DCC: variants seen among roughly 807,000 people sequenced by gnomAD.
DCC encodes the protein netrin receptor DCC.
DCC carries 58 observed loss-of-function variants against 172.5 expected under a neutral mutation model. The ratio of observed to expected loss-of-function variants is 0.34; its 90% CI spans 0.27 to 0.42. The LOEUF (loss-of-function observed/expected upper bound fraction) is 0.42, where lower values mean the gene tolerates loss of function less well. Among genes scored for constraint, DCC ranks in the 10% least tolerant of loss-of-function variants. The pLI is 1.00. For synonymous variants in DCC, 709 were observed against 644.5 expected (o/e 1.10, Z -1.52); for missense variants, 1,740 against 1,791.0 (o/e 0.97, Z 0.51).
At chr18:52,695,104 A>C (rs1939344928) in intron 1 of DCC, among the ~76,000 whole-genome samples, 2 of 152,102 alleles carry the variant, frequency 1.3e-5, no homozygotes, top group Admixed American at 1.3e-4. Context: ...AAAGGAATGA[A>C]TTTCGTAGGT....
At chr18:53,218,271 A>C (rs2055882961) in intron 12 of DCC, among the ~76,000 whole-genome samples, 2 of 152,116 alleles carry the variant, frequency 1.3e-5, no homozygotes, top group African/African-American at 4.8e-5. Context: ...ATTGATAGTA[A>C]ATGAAATAAC....
intron 15 of DCC, among the ~76,000 whole-genome samples, chr18:53,340,169 G>A (rs1354068493): frequency 6.6e-6 from 1 of 152,074 alleles, no homozygotes; most frequent in Non-Finnish European, 1.5e-5. Flanking sequence ...TTGCTCTGGT[G>A]TGTGCCCTTG....
intron 1 of DCC, among the ~76,000 whole-genome samples, chr18:52,510,139 T>C (rs1414772469): frequency 2.7e-5 from 4 of 150,388 alleles, no homozygotes; most frequent in Non-Finnish European, 5.9e-5. Flanking sequence ...AAAAAAAGTC[T>C]AGTTAGCATG....
intron 5 of DCC, among the ~76,000 whole-genome samples, chr18:53,022,571 A>T (rs920653186): frequency 2.8e-5 from 4 of 144,656 alleles, no homozygotes; most frequent in Non-Finnish European, 4.5e-5. Context: ...GTGTGTGTGT[A>T]TCACTAACGG....
chr18:52,798,900 A>G (rs759119649), intron 2 of DCC, among the ~76,000 whole-genome samples: 3 of 151,944 alleles, frequency 2.0e-5, no homozygotes, highest in Non-Finnish European at 4.4e-5. Flanking sequence ...GGTGCCTGCC[A>G]CCACGCCCAG....
chr18:52,624,452 G>A (rs2083004110), intron 1 of DCC, among the ~76,000 whole-genome samples: 1 of 152,066 alleles, frequency 6.6e-6, no homozygotes, highest in African/African-American at 2.4e-5. Context: ...GTATCAGCTG[G>A]GAGTTTATTT....
At chr18:52,560,769 G>A (rs1598913962) in intron 1 of DCC, among the ~76,000 whole-genome samples, 2 of 152,198 alleles carry the variant, frequency 1.3e-5, no homozygotes. Flanking sequence ...TTGTATATGT[G>A]TCTTTTATTT....
intron 12 of DCC, among the ~76,000 whole-genome samples, chr18:53,286,724 A>G (rs776649579): frequency 3.9e-5 from 6 of 152,150 alleles, no homozygotes; most frequent in Non-Finnish European, 5.9e-5. Context: ...TGTGAGTACC[A>G]CGCTTACAGG....
intron 1 of DCC, among the ~76,000 whole-genome samples, chr18:52,362,480 T>G (rs1984660992): frequency 6.6e-6 from 1 of 152,330 alleles, no homozygotes; most frequent in African/African-American, 2.4e-5. Flanking sequence ...CTGTCCAATT[T>G]GCATCAAGTA....
At chr18:53,023,423 A>AG (rs2041912570) in intron 5 of DCC, among the ~76,000 whole-genome samples, 2 of 90,610 alleles carry the variant, frequency 2.2e-5, no homozygotes, top group Admixed American at 2.1e-4. Context: ...AAAAAAAAAA[A>AG]AAAAAAGATT....
intron 26 of DCC, among the ~76,000 whole-genome samples, chr18:53,488,255 G>A (rs2045923988): frequency 6.6e-6 from 1 of 152,122 alleles, no homozygotes; most frequent in Non-Finnish European, 1.5e-5. Flanking sequence ...CATGCCTATA[G>A]TCCCAGCTAT....
intron 18 of DCC, among the ~76,000 whole-genome samples, chr18:53,402,397 A>ATAAAT (rs5825017): frequency 1.5e-4 from 19 of 127,944 alleles, no homozygotes; most frequent in East Asian, 1.4e-3. Flanking sequence ...CTCAAAAAAA[A>ATAAAT]AAAAAAATAA....
intron 27 of DCC, among the ~76,000 whole-genome samples, chr18:53,508,655 A>G (rs1338408591): frequency 6.6e-6 from 1 of 152,186 alleles, no homozygotes; most frequent in Non-Finnish European, 1.5e-5. Flanking sequence ...TGCTTGGTGC[A>G]CACATGCCTG....
intron 21 of DCC, among the ~76,000 whole-genome samples, chr18:53,429,700 T>A (rs907571426): frequency 1.3e-5 from 2 of 152,088 alleles, no homozygotes. Flanking sequence ...CCTTAGACTT[T>A]CCACAGGTGG....
At chr18:53,103,413 C>G (rs1490762372) in intron 7 of DCC, among the ~76,000 whole-genome samples, 4 of 151,946 alleles carry the variant, frequency 2.6e-5, no homozygotes, top group Non-Finnish European at 2.9e-5. Flanking sequence ...TTCTTGAAGC[C>G]TATGCTGGAG....
rs370671961 is a variant in DCC, at chr18:52,850,124, T to A, written c.413-55920T>A. On this transcript the variant is annotated intron_variant, in intron 2 of 28. Coordinates refer to ENST00000442544, the MANE Select transcript of DCC (RefSeq NM_005215.4). ...CCGAGGCTGTTAAGCTACAGATTTA[T>A]TTCTGCATTTCTACTTATACCCTAT... Among the ~76,000 whole-genome samples, 5 of 152,318 alleles carry A rather than the reference T, an allele frequency of 3.3e-5. No homozygotes were observed. In the East Asian group the frequency reaches 7.7e-4, roughly 23 times the overall value.
intron 12 of DCC, among the ~76,000 whole-genome samples, chr18:53,302,343 T>C (rs2057151712): frequency 6.6e-6 from 1 of 152,178 alleles, no homozygotes. Context: ...CCAAAAAGTC[T>C]ACTGGTACCC....
At chr18:53,447,545 T>G (rs1397528215) in intron 22 of DCC, among the ~76,000 whole-genome samples, 1 of 152,072 alleles carries the variant, frequency 6.6e-6, no homozygotes, top group Admixed American at 6.6e-5. Context: ...AAGAAAGAAA[T>G]AGAAGTAGAA....
At chr18:52,622,057 G>A (rs972876591) in intron 1 of DCC, among the ~76,000 whole-genome samples, 2 of 152,158 alleles carry the variant, frequency 1.3e-5, no homozygotes, top group South Asian at 2.1e-4. Flanking sequence ...GATTAAAAGA[G>A]GATCATCGAA....
Sources: gnomAD v4.1 joint callset for allele counts (sites outside exome capture counted in the v4.1 genomes callset) on GRCh38, gnomAD v4.1.1 for gene constraint, MANE v1.5 for transcripts, NCBI Gene and HGNC (gene_info 2026-07-23, HGNC 2026-07-21) for gene names.